POT1: variants seen among roughly 807,000 people sequenced by gnomAD.
POT1 encodes protection of telomeres protein 1.
POT1 carries 47 observed loss-of-function variants against 78.5 expected under a neutral mutation model. The observed-to-expected ratio is 0.60, with a 90% CI of 0.47 to 0.76. POT1 has a LOEUF of 0.76. POT1 is among the 30% of genes least tolerant of loss of function. The probability of loss-of-function intolerance (pLI) is 0.00; values close to 1 mark genes in which losing one functional copy is unlikely to be tolerated. For missense variants in POT1, 646 were observed against 749.9 expected, an observed-to-expected ratio of 0.86 and a Z score of 1.62; for synonymous variants, 259 against 260.7, an observed-to-expected ratio of 0.99 and a Z score of 0.06.
intron 16 of POT1, among the ~76,000 whole-genome samples, chr7:124,827,705 G>T (rs1794665316): frequency 6.6e-6 from 1 of 152,110 alleles, no homozygotes; most frequent in African/African-American, 2.4e-5. Context: ...CTTATGATAA[G>T]CAATTTAATC....
chr7:124,895,903 C>T (rs974606388), intron 5 of POT1, among the ~76,000 whole-genome samples: 6 of 151,498 alleles, frequency 4.0e-5, no homozygotes, highest in Non-Finnish European at 8.9e-5. Flanking sequence ...GCCTTCAGAT[C>T]ACATAAGTGG....
chr7:124,925,984 GACCCAAA>G (rs1406777187), intron 2 of POT1, among the ~76,000 whole-genome samples: 3 of 151,970 alleles, frequency 2.0e-5, no homozygotes, highest in Admixed American at 2.0e-4. Flanking sequence ...TTGAATGTAA[GACCCAAA>G]ACTATAAAAA....
intron 7 of POT1, among the ~76,000 whole-genome samples, chr7:124,865,336 A>G (rs140575615): frequency 6.9e-4 from 105 of 152,080 alleles, no homozygotes; most frequent in African/African-American, 2.3e-3. Flanking sequence ...TTTTTCATCA[A>G]ATTTGGGGAA....
At position 124,871,024 on chromosome 7, in the gene POT1, T is replaced by C. The variant is rs1298555006; in HGVS notation, c.142A>G (p.Thr48Ala). 1 of 1,603,296 alleles carries C rather than the reference T, an allele frequency of 6.2e-7. No homozygotes were observed. Among genetic ancestry groups the C allele is most frequent in the East Asian group, 2.3e-5 (1 of 44,444 alleles). ...TTTACATTTGTCTGGTCCACAATAG[T>C]TACAACTGAGCAATAATCTGGAAAA... is the stretch of plus-strand genomic sequence containing the variant. The part of the protein sequence containing the change: ...SKGTDYCSVV[T>A]IVDQTNVKLT... The change falls in exon 7 of 19, where the codon ACT becomes GCT. Residue 48 changes from threonine (T) to alanine (A), a missense_variant. Thr to Ala is a moderately conservative substitution (Grantham distance 58). Coordinates refer to ENST00000357628, the MANE Select transcript of POT1 (RefSeq NM_015450.3).
intron 2 of POT1, among the ~76,000 whole-genome samples, chr7:124,921,067 A>G (rs1797137386): frequency 6.6e-6 from 1 of 152,168 alleles, no homozygotes; most frequent in South Asian, 2.1e-4. Flanking sequence ...CCAGCACTCT[A>G]GCCTGGGTGA....
chr7:124,850,352 T>C (rs1269589162), intron 11 of POT1, among the ~76,000 whole-genome samples: 1 of 152,256 alleles, frequency 6.6e-6, no homozygotes, highest in Non-Finnish European at 1.5e-5. Context: ...ACAAATTATA[T>C]GATATCCATC....
Position 124,822,389 on chromosome 7 carries a change from T to C in POT1, c.*1573A>G, listed in dbSNP as rs574227671. Reference sequence around the variant, plus strand: ...CCCCACAATAAACCAAAAGAAATCATGATAAGGTGGATGTTTATTTAAAAC... The same window carrying C: ...CCCCACAATAAACCAAAAGAAATCACGATAAGGTGGATGTTTATTTAAAAC... On this transcript the variant is annotated 3_prime_UTR_variant, in exon 19 of 19. Transcript: ENST00000357628. 32 of 300,634 alleles carry C rather than the reference T, an allele frequency of 1.1e-4. 1 individual carries two copies. The highest frequency in any genetic ancestry group is 4.7e-4 in the African/African-American group (22 of 46,500). 18.6% of individuals were successfully genotyped at this position (300,634 alleles called of 1,614,324 possible).
At position 124,921,866 on chromosome 7, in the gene POT1, AG is replaced by A. The variant is rs552986420; in HGVS notation, c.-226-6221del. 9.2e-5 allele frequency among the ~76,000 whole-genome samples: 14 copies of A among 152,146 alleles called. No homozygotes were observed. The East Asian group carries it at 2.5e-3, about 27-fold the overall frequency. On this transcript the variant is annotated intron_variant, in intron 2 of 18. Coordinates refer to ENST00000357628, the MANE Select transcript of POT1 (RefSeq NM_015450.3). ...AAAGAGAAAAGGGTAATAATGTGGCAGGAAAAAAAAATATTTCAAGAAATAT... is the reference window on the plus strand; with the variant it reads ...AAAGAGAAAAGGGTAATAATGTGGCAGAAAAAAAAATATTTCAAGAAATAT...
At chr7:124,881,880 T>C (rs1047095621) in intron 6 of POT1, among the ~76,000 whole-genome samples, 1 of 152,038 alleles carries the variant, frequency 6.6e-6, no homozygotes, top group Admixed American at 6.6e-5. Context: ...GTACTTATAA[T>C]GTATATCTTT....
At chr7:124,907,136 T>C (rs1194182374) in intron 3 of POT1, among the ~76,000 whole-genome samples, 1 of 152,118 alleles carries the variant, frequency 6.6e-6, no homozygotes, top group African/African-American at 2.4e-5. Flanking sequence ...GCTTTATCAA[T>C]GCATATACGA....
chr7:124,925,510 A>G (rs1000003108), intron 2 of POT1, among the ~76,000 whole-genome samples: 2 of 152,146 alleles, frequency 1.3e-5, no homozygotes, highest in Non-Finnish European at 2.9e-5. Flanking sequence ...CAGAAGAATT[A>G]ATATTATTAA....
intron 11 of POT1, among the ~76,000 whole-genome samples, chr7:124,847,336 A>G (rs1388975812): frequency 6.6e-6 from 1 of 152,180 alleles, no homozygotes. Context: ...CTCTACTACA[A>G]ATACAAAAAT....
At chr7:124,910,722 A>C (rs1442216654) in intron 3 of POT1, among the ~76,000 whole-genome samples, 1 of 151,984 alleles carries the variant, frequency 6.6e-6, no homozygotes, top group East Asian at 1.9e-4. Context: ...ACAAGAAATT[A>C]GAATTTGCAT....
At chr7:124,911,990 A>G (rs1796898991) in intron 3 of POT1, among the ~76,000 whole-genome samples, 1 of 152,152 alleles carries the variant, frequency 6.6e-6, no homozygotes, top group Non-Finnish European at 1.5e-5. Context: ...GCAACATTCA[A>G]TGTTACTCAA....
chr7:124,927,512 T>C (rs1430696903), intron 2 of POT1, among the ~76,000 whole-genome samples: 1 of 152,216 alleles, frequency 6.6e-6, no homozygotes, highest in Non-Finnish European at 1.5e-5. Context: ...CAACAATCTA[T>C]ACAAGTGTTA....
intron 5 of POT1, 199 bp from the exon 6 acceptor site, chr7:124,892,579 A>C (rs1796396925): frequency 2.8e-6 from 1 of 354,698 alleles, no homozygotes; most frequent in African/African-American, 2.1e-5. Context: ...TATAAATGGT[A>C]CAATTTGCAC....
intron 6 of POT1, among the ~76,000 whole-genome samples, chr7:124,888,011 AG>A (rs1198546421): frequency 6.6e-6 from 1 of 152,096 alleles, no homozygotes; most frequent in African/African-American, 2.4e-5. Flanking sequence ...CCTCTGTATC[AG>A]TTCATATATA....
intron 6 of POT1, among the ~76,000 whole-genome samples, chr7:124,884,679 G>A (rs1462672289): frequency 6.6e-6 from 1 of 152,052 alleles, no homozygotes; most frequent in Admixed American, 6.6e-5. Context: ...TGAATATTTT[G>A]CCTCTCCCTT....
intron 12 of POT1, among the ~76,000 whole-genome samples, chr7:124,843,482 G>C (rs1054539022): frequency 6.6e-6 from 1 of 152,158 alleles, no homozygotes; most frequent in Non-Finnish European, 1.5e-5. Flanking sequence ...TAGTAGTGGA[G>C]AAGAGGAAGT....
Sources: gnomAD v4.1 joint callset for allele counts (sites outside exome capture counted in the v4.1 genomes callset) on GRCh38, gnomAD v4.1.1 for gene constraint, MANE v1.5 for transcripts, NCBI Gene and HGNC (gene_info 2026-07-23, HGNC 2026-07-21) for gene names.